Variants in CMC1 observed in about 807,000 individuals in gnomAD.
The protein encoded by CMC1 is COX assembly mitochondrial protein homolog.
In CMC1, 14 loss-of-function variants were observed where a neutral mutation model predicts 14.1. That is an observed-to-expected ratio of 0.99 (90% CI 0.66 to 1.55). The LOEUF (loss-of-function observed/expected upper bound fraction) is 1.55. CMC1 is among the 40% of genes most tolerant of loss of function. CMC1 has a pLI of 0.00. For synonymous variants in CMC1, 50 were observed against 38.4 expected (o/e 1.30, Z -1.12); for missense variants, 127 against 123.8 (o/e 1.03, Z -0.12).
chr3:28,257,391 G>T (rs1282065160), intron 1 of CMC1, among the ~76,000 whole-genome samples: 1 of 152,132 alleles, frequency 6.6e-6, no homozygotes, highest in East Asian at 1.9e-4. Context: ...ACCTAGGATA[G>T]ATCACCTATC....
intron 2 of CMC1, among the ~76,000 whole-genome samples, chr3:28,274,396 T>G (rs1700472085): frequency 6.6e-6 from 1 of 151,940 alleles, no homozygotes; most frequent in Non-Finnish European, 1.5e-5. Flanking sequence ...GATGTGAAAT[T>G]CTGTGTTGGA....
At chr3:28,282,588 A>G (rs1700956665) in intron 2 of CMC1, among the ~76,000 whole-genome samples, 1 of 152,174 alleles carries the variant, frequency 6.6e-6, no homozygotes, top group Non-Finnish European at 1.5e-5. Flanking sequence ...CTAAATAGCT[A>G]AACACAGTTT....
intron 2 of CMC1, among the ~76,000 whole-genome samples, chr3:28,274,815 C>G (rs1372539612): frequency 6.6e-6 from 1 of 151,922 alleles, no homozygotes; most frequent in African/African-American, 2.4e-5. Flanking sequence ...TGTTCCTTTT[C>G]ATTCTTTTTT....
At chr3:28,286,226 A>AT (rs1282838089) in intron 2 of CMC1, among the ~76,000 whole-genome samples, 5 of 152,128 alleles carry the variant, frequency 3.3e-5, no homozygotes, top group Admixed American at 3.3e-4. Flanking sequence ...CTATGTCAGT[A>AT]TTTTGTGTGG....
chr3:28,298,665 C>T (rs1287801992), intron 2 of CMC1, among the ~76,000 whole-genome samples: 1 of 151,308 alleles, frequency 6.6e-6, no homozygotes, highest in Non-Finnish European at 1.5e-5. Flanking sequence ...TTGATTAATC[C>T]AACAAATAAT....
intron 1 of CMC1, 141 bp from the exon 2 acceptor site, chr3:28,263,149 TA>T: frequency 3.2e-6 from 2 of 624,774 alleles, no homozygotes; most frequent in Non-Finnish European, 5.6e-6. Context: ...TTTTAATGAC[TA>T]AAATAATCAC....
Position 28,320,942 on chromosome 3 carries a change from T to A in CMC1, c.*1313T>A, listed in dbSNP as rs954976101. 1.3e-5 allele frequency: 2 copies of A among 151,410 alleles called. No individual in the cohort carries two copies. Among genetic ancestry groups the A allele is most frequent in the Non-Finnish European group, 3.0e-5 (2 of 67,614 alleles). The allele number at this position is 151,410 out of a possible 1,614,324, so 9.4% of individuals were successfully genotyped here. A position where few individuals can be genotyped will look rare whatever the true frequency, so the allele number is the denominator to read the frequency against. ...ATCACAAATAGAAATTACTACCCACTAAGACAAGGTTTAACTTTCCCTAAT... is the reference window on the plus strand; with the variant it reads ...ATCACAAATAGAAATTACTACCCACAAAGACAAGGTTTAACTTTCCCTAAT... On this transcript the variant is annotated 3_prime_UTR_variant, in exon 4 of 4. Transcript: ENST00000466830.
intron 1 of CMC1, 111 bp downstream of exon 1, chr3:28,241,923 T>G: frequency 9.1e-7 from 1 of 1,093,524 alleles, no homozygotes; most frequent in Non-Finnish European, 1.2e-6. Flanking sequence ...TGGGTAGCAT[T>G]GCTTCCACCA....
intron 1 of CMC1, among the ~76,000 whole-genome samples, chr3:28,257,489 G>A (rs1485764737): frequency 1.3e-5 from 2 of 151,960 alleles, no homozygotes; most frequent in Non-Finnish European, 2.9e-5. Context: ...TCTCTAAATA[G>A]ACTTGTACAA....
intron 1 of CMC1, among the ~76,000 whole-genome samples, chr3:28,250,098 A>G (rs1354460533): frequency 1.3e-5 from 2 of 152,190 alleles, no homozygotes; most frequent in Admixed American, 6.5e-5. Context: ...CACTGTCTCC[A>G]CATACAGTCA....
At position 28,322,587 on chromosome 3, in the gene CMC1, C is replaced by T. The variant is rs936225935; in HGVS notation, c.*2958C>T. The stretch of plus-strand genomic sequence containing the variant: ...TTTGTTATTACACAGGTAGTTGCTT[C>T]CTTCAGCTAAAGCCTGGAGTATTGT... On this transcript the variant is annotated 3_prime_UTR_variant, in exon 4 of 4. Coordinates refer to ENST00000466830, the MANE Select transcript of CMC1 (RefSeq NM_182523.2). 11 of 151,506 alleles carry T rather than the reference C, an allele frequency of 7.3e-5. No individual in the cohort carries two copies. The highest frequency in any genetic ancestry group is 2.7e-4 in the African/African-American group (11 of 41,282). The allele number at this position is 151,506 out of a possible 1,614,324, so 9.4% of individuals were successfully genotyped here.
intron 2 of CMC1, among the ~76,000 whole-genome samples, chr3:28,282,079 A>G (rs1700926352): frequency 6.6e-6 from 1 of 152,146 alleles, no homozygotes. Context: ...ACCTCCCTTT[A>G]TTCATTTTTT....
At chr3:28,271,952 T>C (rs1242186497) in intron 2 of CMC1, among the ~76,000 whole-genome samples, 1 of 152,216 alleles carries the variant, frequency 6.6e-6, no homozygotes, top group Non-Finnish European at 1.5e-5. Flanking sequence ...CCTTGTAAAC[T>C]GTATTCCTAG....
rs1389011792 is a variant in CMC1, at chr3:28,248,267, A to G, written c.19+6455A>G. ...CATATGAATCCACCTCTTTAAATTCATTAGAGACCAGATAAAAGGATAGGT... is the reference window on the plus strand; with the variant it reads ...CATATGAATCCACCTCTTTAAATTCGTTAGAGACCAGATAAAAGGATAGGT... On this transcript the variant is annotated intron_variant, in intron 1 of 3. Coordinates refer to ENST00000466830, the MANE Select transcript of CMC1 (RefSeq NM_182523.2). Among the ~76,000 whole-genome samples, 3 of 152,212 alleles carry G rather than the reference A, an allele frequency of 2.0e-5. No homozygotes were observed. The East Asian group carries it at 5.8e-4, about 29-fold the overall frequency.
At position 28,294,750 on chromosome 3, in the gene CMC1, T is replaced by C. The variant is rs187264521; in HGVS notation, c.110-21583T>C. Among the ~76,000 whole-genome samples, 219 of 152,200 alleles carry C rather than the reference T, an allele frequency of 1.4e-3. 1 individual carries two copies. The highest frequency in any genetic ancestry group is 9.7e-4 in the Non-Finnish European group (66 of 67,982). ...TTTTTCCATTTTCGCTTTAGGAAAT[T>C]TGTTTGTGTTCATTGAGTTGGGTAA... On this transcript the variant is annotated intron_variant, in intron 2 of 3. Transcript: ENST00000466830.
At position 28,319,505 on chromosome 3, in the gene CMC1, A is replaced by G. The variant is rs1212252867; in HGVS notation, c.201-4A>G. ...TTGAAAATATTTTCATTTCCTTCTC[A>G]TAGCTATAATGATCCAGCCTTTTAT... On this transcript the variant is annotated splice_region_variant and splice_polypyrimidine_tract_variant and intron_variant, in intron 3 of 3. Transcript: ENST00000466830. The G allele has an allele frequency of 6.3e-7, 1 of 1,588,504 alleles. No individual in the cohort carries two copies. Among genetic ancestry groups the G allele is most frequent in the East Asian group, 2.2e-5 (1 of 44,592 alleles).
At position 28,323,965 on chromosome 3, in the gene CMC1, G is replaced by A; in HGVS notation, c.*4336G>A. ...AAATTTTAATCAAAATCTCCTTTCA[G>A]TTTGTTAAATAATTTCTTGGGAGGA... On this transcript the variant is annotated 3_prime_UTR_variant, in exon 4 of 4. Coordinates refer to ENST00000466830, the MANE Select transcript of CMC1 (RefSeq NM_182523.2). 1 of 1,457,552 alleles carries A rather than the reference G, an allele frequency of 6.9e-7. No homozygotes were observed. The highest frequency in any genetic ancestry group is 1.4e-5 in the South Asian group (1 of 73,674). The allele number at this position is 1,457,552 out of a possible 1,614,324, so 90.3% of individuals were successfully genotyped here. A position where few individuals can be genotyped will look rare whatever the true frequency, so the allele number is the denominator to read the frequency against.
intron 2 of CMC1, among the ~76,000 whole-genome samples, chr3:28,290,013 CAT>C (rs938477362): frequency 6.6e-6 from 1 of 152,056 alleles, no homozygotes. Flanking sequence ...TACAAGAAAA[CAT>C]ATGAAACCCA....
intron 1 of CMC1, among the ~76,000 whole-genome samples, chr3:28,247,457 G>A (rs1698884557): frequency 6.6e-6 from 1 of 152,186 alleles, no homozygotes; most frequent in African/African-American, 2.4e-5. Context: ...TGCCTTGGAG[G>A]CAAGGGAGCT....
Sources: gnomAD v4.1 joint callset for allele counts (sites outside exome capture counted in the v4.1 genomes callset) on GRCh38, gnomAD v4.1.1 for gene constraint, MANE v1.5 for transcripts, NCBI Gene and HGNC (gene_info 2026-07-23, HGNC 2026-07-21) for gene names.